The following MYCBP2 variants were observed in gnomAD, a reference collection of about 807,000 sequenced individuals.
MYCBP2 encodes the protein E3 ubiquitin-protein ligase MYCBP2.
Under a neutral mutation model 525.3 loss-of-function variants are expected in MYCBP2, and 120 were observed. The ratio of observed to expected loss-of-function variants is 0.23; its 90% confidence interval spans 0.20 to 0.27. MYCBP2 has a LOEUF of 0.27. MYCBP2 is among the 10% of genes least tolerant of loss of function. The probability of loss-of-function intolerance (pLI) is 1.00; values close to 1 mark genes in which losing one functional copy is unlikely to be tolerated. For missense variants in MYCBP2, 4,149 were observed against 5,657.1 expected (o/e 0.73, Z 8.55); for synonymous variants, 1,894 against 1,955.8 (o/e 0.97, Z 0.83).
intron 17 of MYCBP2, among the ~76,000 whole-genome samples, chr13:77,237,380 T>C (rs561257050): frequency 6.6e-6 from 1 of 152,202 alleles, no homozygotes; most frequent in South Asian, 2.1e-4. Flanking sequence ...TATATTTTAA[T>C]AGAGTAAGAT....
intron 17 of MYCBP2, among the ~76,000 whole-genome samples, chr13:77,239,732 A>G (rs1473711429): frequency 6.6e-6 from 1 of 152,218 alleles, no homozygotes. Flanking sequence ...TGCCCAAGTG[A>G]TGCTGGTCCC....
intron 2 of MYCBP2, 49 bp downstream of exon 2, chr13:77,296,550 A>G: frequency 2.0e-6 from 3 of 1,522,822 alleles, no homozygotes; most frequent in Non-Finnish European, 2.6e-6. Context: ...TTTTATTCAA[A>G]TCACCATATG....
At chr13:77,230,358 G>C (rs999051026) in intron 18 of MYCBP2, among the ~76,000 whole-genome samples, 2 of 152,114 alleles carry the variant, frequency 1.3e-5, no homozygotes, top group African/African-American at 4.8e-5. Context: ...AAACTTCTCA[G>C]TAGATAAACT....
chr13:77,326,467 G>A lies in MYCBP2; in HGVS notation c.302+7C>T, dbSNP rs2082329345. 1.3e-6 allele frequency: 2 copies of A among 1,549,708 alleles called. No individual in the cohort carries two copies. On this transcript the variant is annotated splice_region_variant and intron_variant, in intron 1 of 82. Transcript: ENST00000544440. This position sits in a 1 kb window ranked among gnomAD's most constrained non-coding sequence, Gnocchi z 4.2. ...GGGGCGCAAGGAAGGGCACCCTGGG[G>A]ACGCACCTGGAGGCTGGGTGTCCAG...
chr13:77,188,856 G>C (rs896910218), intron 30 of MYCBP2, 95 bp downstream of exon 30: 2 of 715,986 alleles, frequency 2.8e-6, no homozygotes, highest in Non-Finnish European at 4.3e-6. Context: ...ATAAATCTAG[G>C]CTAAGATAAA....
intron 32 of MYCBP2, among the ~76,000 whole-genome samples, chr13:77,183,841 C>T (rs758205249): frequency 2.0e-5 from 3 of 152,056 alleles, no homozygotes; most frequent in Non-Finnish European, 4.4e-5. Flanking sequence ...AGCCACCGTG[C>T]CCGGTGAACC....
intron 2 of MYCBP2, among the ~76,000 whole-genome samples, chr13:77,294,109 T>TATATATATATATATATATATATAC (rs1421433401): frequency 1.3e-4 from 7 of 52,418 alleles, no homozygotes; most frequent in East Asian, 4.0e-4. Context: ...AATGGCTATA[T>TATATATATATATATATATATATAC]ATATATATAT....
chr13:77,058,899 C>T lies in MYCBP2; in HGVS notation c.13141-493G>A, dbSNP rs1396471355. Among the ~76,000 whole-genome samples, 2 of 152,108 alleles carry T rather than the reference C, an allele frequency of 1.3e-5. No homozygotes were observed. The highest frequency in any genetic ancestry group is 4.8e-5 in the African/African-American group (2 of 41,482). ...ACTTAGGAAGCTGAGGCAGGAGAAT[C>T]GCTTGAACCCGGGAGGCGGAGGTTG... On this transcript the variant is annotated intron_variant, in intron 77 of 82. Coordinates refer to ENST00000544440, the MANE Select transcript of MYCBP2 (RefSeq NM_015057.5). The surrounding 1 kb of genome is among the most constrained non-coding windows in gnomAD (Gnocchi z 4.1).
At chr13:77,193,597 G>C (rs1162759305) in intron 27 of MYCBP2, among the ~76,000 whole-genome samples, 1 of 152,026 alleles carries the variant, frequency 6.6e-6, no homozygotes, top group Non-Finnish European at 1.5e-5. Context: ...TACGTAGAGA[G>C]GACTGATAAA....
intron 26 of MYCBP2, among the ~76,000 whole-genome samples, chr13:77,200,211 A>C (rs370979081): frequency 1.6e-4 from 24 of 152,288 alleles, no homozygotes; most frequent in African/African-American, 2.9e-4. Context: ...GCTGATGGAG[A>C]TGAAAACCAA....
rs1363095549 is a variant in MYCBP2 at position 77,062,630 on chromosome 13, C to T, written c.12740G>A (p.Arg4247Lys). Residue 4247 changes from arginine to lysine, a missense_variant, in exon 74 of 83, where the codon AGA becomes AAA. Coordinates refer to ENST00000544440, the MANE Select transcript of MYCBP2 (RefSeq NM_015057.5). Reference sequence around the variant, plus strand: ...TTGTTGTCCATCCTTTCCCATCCATCTCCCCGAGGAGAGACGATCTACGTG... The same window carrying T: ...TTGTTGTCCATCCTTTCCCATCCATTTCCCCGAGGAGAGACGATCTACGTG... ...QDHVDRLSSG[R>K]WMGKDGQQKQ... 10 of 1,614,224 alleles carry T rather than the reference C, an allele frequency of 6.2e-6. No homozygotes were observed. In the South Asian group the frequency reaches 1.1e-4, roughly 18 times the overall value.
chr13:77,137,324 G>A (rs981548681), intron 52 of MYCBP2, among the ~76,000 whole-genome samples: 1 of 152,192 alleles, frequency 6.6e-6, no homozygotes, highest in African/African-American at 2.4e-5. Context: ...CTTTATCTGT[G>A]TGAGTATCTT....
At chr13:77,123,139 G>A (rs955186198) in intron 54 of MYCBP2, among the ~76,000 whole-genome samples, 1 of 152,154 alleles carries the variant, frequency 6.6e-6, no homozygotes, top group African/African-American at 2.4e-5. Context: ...CCAAATCTTT[G>A]TACTTCCATA....
rs1451598349 is a variant in MYCBP2, at chr13:77,185,899, G to A, written c.4416C>T (p.Val1472=). 1.1e-5 allele frequency: 17 copies of A among 1,609,448 alleles called. No individual in the cohort carries two copies. The highest frequency in any genetic ancestry group is 1.4e-5 in the Non-Finnish European group (16 of 1,178,550). The change falls in exon 31 of 83, where the codon GTC becomes GTT. Residue 1472 remains valine, a synonymous_variant. Transcript: ENST00000544440. ...VGTCCLRLLR[V]YTCEIYPVSA... is the part of the protein sequence containing the mutation. ...ACACTGGGTAAATTTCACAGGTATA[G>A]ACACGCAATAACCTCAGACAACAGG...
intron 30 of MYCBP2, 68 bp from the exon 31 acceptor site, chr13:77,186,131 A>G (rs2060690424): frequency 8.5e-7 from 1 of 1,173,908 alleles, no homozygotes; most frequent in African/African-American, 1.6e-5. Context: ...ATCAAATGGA[A>G]AGGCAATGGT....
intron 26 of MYCBP2, among the ~76,000 whole-genome samples, chr13:77,202,688 T>C (rs2062778454): frequency 6.6e-6 from 1 of 151,954 alleles, no homozygotes; most frequent in Non-Finnish European, 1.5e-5. Context: ...TCAAAAAGCT[T>C]ATCCACCATG....
intron 1 of MYCBP2, among the ~76,000 whole-genome samples, chr13:77,315,702 G>A (rs2080845840): frequency 6.6e-6 from 1 of 151,948 alleles, no homozygotes; most frequent in Non-Finnish European, 1.5e-5. Context: ...CAAGACCAGA[G>A]TGGCCAACGT....
Position 77,185,375 on chromosome 13 carries a change from T to C in MYCBP2, c.4447A>G (p.Thr1483Ala), listed in dbSNP as rs535457031. ...GTTTCTTCTACAACTGCTTTTCCTG[T>C]AGCTTTGAGGGGGAAAAAGCAGATT... ...YTCEIYPVSA[T>A]GKAVVEETSK... Residue 1483 changes from threonine to alanine, a missense_variant and splice_region_variant, in exon 32 of 83, where the codon ACA (threonine) becomes GCA (alanine). This residue lies in a region of MYCBP2 where 292 missense variants were observed against 330.5 expected (regional missense o/e 0.88). Transcript: ENST00000544440. 2.5e-6 allele frequency: 4 copies of C among 1,608,992 alleles called. No individual in the cohort carries two copies. Among genetic ancestry groups the C allele is most frequent in the East Asian group, 2.2e-5 (1 of 44,746 alleles).
intron 14 of MYCBP2, among the ~76,000 whole-genome samples, 161 bp downstream of exon 14, chr13:77,257,510 C>T (rs1594398247): frequency 6.6e-6 from 1 of 151,936 alleles, no homozygotes. Flanking sequence ...CATACATATA[C>T]CTACTATCTA....
Sources: allele counts gnomAD v4.1 joint callset (sites outside exome capture counted in the v4.1 genomes callset), GRCh38; gene constraint gnomAD v4.1.1; regional missense constraint gnomAD v4.1.1; non-coding constraint Gnocchi (gnomAD v3.1); transcripts MANE v1.5; gene names NCBI Gene and HGNC (gene_info 2026-07-23, HGNC 2026-07-21).